The following EPHA6 variants were observed in gnomAD, a reference collection of about 807,000 sequenced individuals.
EPHA6 encodes EPH receptor A6, also known as ephrin type-A receptor 6.
In EPHA6, 50 loss-of-function variants were observed where a neutral mutation model predicts 112.0. The ratio of observed to expected loss-of-function variants is 0.45; its 90% CI spans 0.36 to 0.56. The LOEUF (loss-of-function observed/expected upper bound fraction) is 0.56. EPHA6 is among the 20% of genes least tolerant of loss of function. EPHA6 has a pLI of 0.00. For synonymous variants in EPHA6, 529 were observed against 490.7 expected (o/e 1.08, Z -1.03); for missense variants, 1,280 against 1,417.4 (o/e 0.90, Z 1.56).
intron 5 of EPHA6, among the ~76,000 whole-genome samples, chr3:97,329,434 C>T (rs1209028175): frequency 1.3e-5 from 2 of 150,050 alleles, no homozygotes; most frequent in Admixed American, 6.6e-5. Context: ...GTCCCACCAA[C>T]AGTGTAAAAG....
chr3:97,156,135 A>G (rs1434185952), intron 3 of EPHA6, among the ~76,000 whole-genome samples: 1 of 152,212 alleles, frequency 6.6e-6, no homozygotes, highest in Non-Finnish European at 1.5e-5. Context: ...AAATGGATAT[A>G]GAAGAATGAG....
rs1335663896 is a variant in EPHA6 at position 97,753,555 on chromosome 3, T to C, written c.*4854T>C. ...GGAGTCACAGATTTTTATTGTCTGA[T>C]AGCATAGCTATCAGTTCGTATATGG... is the stretch of plus-strand genomic sequence containing the variant. On this transcript the variant is annotated 3_prime_UTR_variant, in exon 18 of 18. Transcript: ENST00000389672. Among the ~76,000 whole-genome samples the C allele has an allele frequency of 6.6e-6, 1 of 152,208 alleles. No homozygotes were observed. The highest frequency in any genetic ancestry group is 1.5e-5 in the Non-Finnish European group (1 of 68,034).
intron 5 of EPHA6, among the ~76,000 whole-genome samples, chr3:97,299,860 A>G (rs2081022789): frequency 6.6e-6 from 1 of 152,182 alleles, no homozygotes; most frequent in South Asian, 2.1e-4. Flanking sequence ...CTTTAATTCA[A>G]CATATTTCAC....
intron 3 of EPHA6, among the ~76,000 whole-genome samples, chr3:97,104,260 C>A (rs909397081): frequency 6.6e-6 from 1 of 152,106 alleles, no homozygotes; most frequent in African/African-American, 2.4e-5. Flanking sequence ...TTTGCCCATT[C>A]CATAGGATGT....
At chr3:97,403,253 A>G (rs1396100463) in intron 5 of EPHA6, among the ~76,000 whole-genome samples, 4 of 152,094 alleles carry the variant, frequency 2.6e-5, no homozygotes, top group African/African-American at 7.2e-5. Context: ...TTTAAATAAG[A>G]AAAAAGTTTT....
intron 5 of EPHA6, among the ~76,000 whole-genome samples, chr3:97,389,794 C>G (rs149497419): frequency 1.1e-3 from 173 of 152,176 alleles, no homozygotes; most frequent in Admixed American, 2.9e-3. Context: ...ATCCTATTAA[C>G]TTATGCAATA....
intron 6 of EPHA6, among the ~76,000 whole-genome samples, chr3:97,441,793 A>C (rs1388713790): frequency 6.6e-6 from 1 of 151,958 alleles, no homozygotes; most frequent in Admixed American, 6.6e-5. Flanking sequence ...CATGTTCACT[A>C]TGTAACTGAC....
At chr3:97,637,673 A>G (rs1176752132) in intron 13 of EPHA6, among the ~76,000 whole-genome samples, 200 bp from the exon 14 acceptor site, 1 of 152,124 alleles carries the variant, frequency 6.6e-6, no homozygotes, top group Non-Finnish European at 1.5e-5. Flanking sequence ...GTTGTCCTTC[A>G]CTACTTCCAG....
intron 5 of EPHA6, among the ~76,000 whole-genome samples, chr3:97,256,794 C>T (rs1446566551): frequency 6.6e-6 from 1 of 151,932 alleles, no homozygotes; most frequent in Admixed American, 6.6e-5. Context: ...TAGGATAATG[C>T]AGTTGTTACA....
chr3:97,625,566 C>T (rs562891137), intron 13 of EPHA6, among the ~76,000 whole-genome samples: 2 of 151,580 alleles, frequency 1.3e-5, no homozygotes, highest in East Asian at 1.9e-4. Flanking sequence ...CATTCAAGTC[C>T]TTTATATTCT....
intron 3 of EPHA6, among the ~76,000 whole-genome samples, chr3:96,997,927 C>T (rs1459809863): frequency 6.6e-6 from 1 of 152,048 alleles, no homozygotes; most frequent in Admixed American, 6.6e-5. Flanking sequence ...TTCAGTAAAG[C>T]AAGACATGCT....
rs1438653067 is a variant in EPHA6 at position 97,749,467 on chromosome 3, A to G, written c.*766A>G. On this transcript the variant is annotated 3_prime_UTR_variant, in exon 18 of 18. Coordinates refer to ENST00000389672, the MANE Select transcript of EPHA6 (RefSeq NM_001080448.3). ...TTATTTATTTATTTTTACTAACCGTAGTATATTTCTCTACTACCTTATGAA... is the reference window on the plus strand; with the variant it reads ...TTATTTATTTATTTTTACTAACCGTGGTATATTTCTCTACTACCTTATGAA... Among the ~76,000 whole-genome samples the G allele has an allele frequency of 6.6e-6, 1 of 152,106 alleles. No individual in the cohort carries two copies. Among genetic ancestry groups the G allele is most frequent in the Non-Finnish European group, 1.5e-5 (1 of 68,018 alleles).
chr3:97,479,163 G>C lies in EPHA6; in HGVS notation c.2004-131G>C, dbSNP rs560752058. 9 of 536,910 alleles carry C rather than the reference G, an allele frequency of 1.7e-5. 1 individual carries two copies. Among genetic ancestry groups the C allele is most frequent in the Non-Finnish European group, 2.9e-5 (9 of 315,280 alleles). The allele number at this position is 536,910 out of a possible 1,614,324, so 33.3% of individuals were successfully genotyped here. ...AAAACCTACTATAGAATATTTTCAC[G>C]TTATAAAGATATTTTAAAAGTGGTC... On this transcript the variant is annotated intron_variant, in intron 8 of 17. Transcript: ENST00000389672.
At chr3:97,148,250 G>A (rs2076090504) in intron 3 of EPHA6, among the ~76,000 whole-genome samples, 1 of 151,990 alleles carries the variant, frequency 6.6e-6, no homozygotes, top group Admixed American at 6.6e-5. Context: ...CAGAAAGATT[G>A]CTTGAGGCCA....
intron 11 of EPHA6, among the ~76,000 whole-genome samples, chr3:97,545,810 C>G (rs2092937526): frequency 6.6e-6 from 1 of 152,144 alleles, no homozygotes; most frequent in African/African-American, 2.4e-5. Flanking sequence ...ATCCCTTTAC[C>G]ATTATGTAAT....
intron 6 of EPHA6, among the ~76,000 whole-genome samples, chr3:97,444,915 C>A (rs987321213): frequency 1.3e-5 from 2 of 151,984 alleles, no homozygotes; most frequent in African/African-American, 4.8e-5. Flanking sequence ...CCCAGAAAAG[C>A]CTTGATTCTC....
At position 97,538,933 on chromosome 3, in the gene EPHA6, A is replaced by G. The variant is rs141538629; in HGVS notation, c.2386+6390A>G. ...GCATTTTTCAGTTAATCATTAATCTAGTAATATTTATGAACTGCCTAGCTA... is the reference window on the plus strand; with the variant it reads ...GCATTTTTCAGTTAATCATTAATCTGGTAATATTTATGAACTGCCTAGCTA... On this transcript the variant is annotated intron_variant, in intron 11 of 17. Transcript: ENST00000389672. Among the ~76,000 whole-genome samples the G allele has an allele frequency of 3.2e-4, 48 of 152,278 alleles. No individual in the cohort carries two copies. In the East Asian group the frequency reaches 7.7e-3, roughly 25 times the overall value.
At chr3:97,389,848 A>C (rs1034871324) in intron 5 of EPHA6, among the ~76,000 whole-genome samples, 4 of 152,172 alleles carry the variant, frequency 2.6e-5, no homozygotes, top group Admixed American at 1.3e-4. Context: ...CACAAAAATC[A>C]GGGGAAAAAA....
At chr3:96,981,440 G>C (rs1346237540) in intron 2 of EPHA6, among the ~76,000 whole-genome samples, 1 of 152,136 alleles carries the variant, frequency 6.6e-6, no homozygotes, top group Non-Finnish European at 1.5e-5. Context: ...TGTGCTGCTA[G>C]ATTTGTTTTG....
Sources: allele counts gnomAD v4.1 joint callset (sites outside exome capture counted in the v4.1 genomes callset), GRCh38; gene constraint gnomAD v4.1.1; transcripts MANE v1.5; gene names NCBI Gene and HGNC (gene_info 2026-07-23, HGNC 2026-07-21).